The following RHEBL1 variants were observed in gnomAD, a reference collection of about 807,000 sequenced individuals.
RHEBL1 encodes RHEB like 1.
Under a neutral mutation model 27.4 loss-of-function variants are expected in RHEBL1, and 22 were observed. The observed-to-expected ratio is 0.80, with a 90% CI of 0.57 to 1.15. RHEBL1 has a LOEUF of 1.15. Ranked by LOEUF, RHEBL1 falls within the 50% of genes most tolerant of loss-of-function variation. The pLI is 0.00. For synonymous variants in RHEBL1, 85 were observed against 80.8 expected (o/e 1.05, Z -0.28); for missense variants, 186 against 226.5 (o/e 0.82, Z 1.15).
chr12:49,067,125 A>AAT, intron 2 of RHEBL1, 90 bp from the exon 3 acceptor site: 7 of 806,044 alleles, frequency 8.7e-6, no homozygotes, highest in Non-Finnish European at 1.4e-5. Context: ...TTTTTGAGAC[A>AAT]AGAGTCTCAC....
At chr12:49,066,307 T>TCCCCTCATTCCCCGCATTC in intron 5 of RHEBL1, 29 bp from the exon 6 acceptor site, 1 of 1,608,436 alleles carries the variant, frequency 6.2e-7, no homozygotes, top group Non-Finnish European at 8.5e-7. Flanking sequence ...TACTTCAGAA[T>TCCCCTCATTCCCCGCATTC]CCCCTCATTC....
rs1939054583 is a variant in RHEBL1 at position 49,069,587 on chromosome 12, C to G, written c.52+147G>C. ...CCACCAACTCTTCCAATCCTCCACT[C>G]TTCCATTCCTCCACTCTTCCAATCC... On this transcript the variant is annotated intron_variant, in intron 1 of 7. Coordinates refer to ENST00000301068, the MANE Select transcript of RHEBL1 (RefSeq NM_144593.3). 138 of 243,806 alleles carry G rather than the reference C, an allele frequency of 5.7e-4. 54 individuals are homozygous for G. Among genetic ancestry groups the G allele is most frequent in the East Asian group, 9.1e-4 (13 of 14,254 alleles). The allele number at this position is 243,806 out of a possible 1,614,324, so 15.1% of individuals were successfully genotyped here.
chr12:49,065,350 C>G lies in RHEBL1; in HGVS notation c.462G>C (p.Gln154His), dbSNP rs1458348733. The change falls in exon 7 of 8, where the codon CAG becomes CAC. Residue 154 changes from glutamine (Q) to histidine (H), a missense_variant and splice_region_variant. Physicochemically the swap from Gln to His is conservative, Grantham distance 24. Coordinates refer to ENST00000301068, the MANE Select transcript of RHEBL1 (RefSeq NM_144593.3). ...TFMESSAREN[Q>H]LTQGIFTKVI... ...CCCTTCTAGTCTTCAGGCCCAGCAC[C>G]TGATTCTCTCGAGCAGATGACTCCA... 1.9e-6 allele frequency: 3 copies of G among 1,614,006 alleles called. No homozygotes were observed. Among genetic ancestry groups the G allele is most frequent in the Admixed American group, 1.7e-5 (1 of 60,026 alleles).
intron 2 of RHEBL1, among the ~76,000 whole-genome samples, chr12:49,067,263 C>T (rs897543482): frequency 7.9e-5 from 12 of 151,784 alleles, no homozygotes; most frequent in South Asian, 2.1e-4. Context: ...CCACCATGCC[C>T]GGCTAATTAC....
chr12:49,068,429 CT>C (rs56316449), intron 2 of RHEBL1, among the ~76,000 whole-genome samples: 2,650 of 99,606 alleles, frequency 0.027, 16 homozygotes, highest in Non-Finnish European at 0.034. Flanking sequence ...CGGTGCCCAG[CT>C]TTTTTTTTTT....
chr12:49,068,272 G>C (rs1487850327), intron 2 of RHEBL1, among the ~76,000 whole-genome samples: 1 of 151,848 alleles, frequency 6.6e-6, no homozygotes, highest in Non-Finnish European at 1.5e-5. Flanking sequence ...TGGGATTACA[G>C]ATGTCCATCA....
Position 49,064,986 on chromosome 12 carries a change from C to T in RHEBL1, c.*117G>A. ...AACATGAGGATGCCACACTGTGTGT[C>T]CAGGGGCCAGGAACACAGCTGGCAA... On this transcript the variant is annotated 3_prime_UTR_variant, in exon 8 of 8. Coordinates refer to ENST00000301068, the MANE Select transcript of RHEBL1 (RefSeq NM_144593.3). 1.4e-6 allele frequency: 1 copy of T among 740,180 alleles called. No homozygotes were observed. The highest frequency in any genetic ancestry group is 2.0e-5 in the Admixed American group (1 of 50,286). The allele number at this position is 740,180 out of a possible 1,614,324, so 45.9% of individuals were successfully genotyped here. A position where few individuals can be genotyped will look rare whatever the true frequency, so the allele number is the denominator to read the frequency against.
intron 1 of RHEBL1, 178 bp from the exon 2 acceptor site, chr12:49,069,284 G>C: frequency 2.7e-6 from 3 of 1,091,654 alleles, no homozygotes; most frequent in Middle Eastern, 2.2e-4. Context: ...CAGGGTCTCC[G>C]CACTTTGGCT....
At chr12:49,066,367 C>T in intron 5 of RHEBL1, 89 bp from the exon 6 acceptor site, 1 of 1,544,706 alleles carries the variant, frequency 6.5e-7, no homozygotes, top group Middle Eastern at 1.7e-4. Context: ...CCTTATCAGA[C>T]CAGGCAGGAT....
rs1354656382 is a variant in RHEBL1, at chr12:49,064,807, G to A, written c.*296C>T. ...AACCCACCCAAGAGGATGGGTCCTG[G>A]ATAAATAATGCCCAGGACTCATATC... On this transcript the variant is annotated 3_prime_UTR_variant, in exon 8 of 8. Transcript: ENST00000301068. The A allele has an allele frequency of 8.2e-6, 3 of 364,184 alleles. No homozygotes were observed. Among genetic ancestry groups the A allele is most frequent in the African/African-American group, 4.0e-5 (2 of 49,556 alleles). The allele number at this position is 364,184 out of a possible 1,614,324, so 22.6% of individuals were successfully genotyped here.
At chr12:49,069,288 TTTGGCTA>T (rs780812489) in intron 1 of RHEBL1, 182 bp from the exon 2 acceptor site, 128 of 1,055,474 alleles carry the variant, frequency 1.2e-4, no homozygotes, top group Non-Finnish European at 1.5e-4. Context: ...GTCTCCGCAC[TTTGGCTA>T]CCGGATGCAT....
At position 49,065,211 on chromosome 12, in the gene RHEBL1, C is replaced by G; in HGVS notation, c.463-19G>C. ...GAGTCAGCTATAAGAGGAGAGGATTCAGGGCAAAAGTCAGTTCAGTGCCAA... is the reference window on the plus strand; with the variant it reads ...GAGTCAGCTATAAGAGGAGAGGATTGAGGGCAAAAGTCAGTTCAGTGCCAA... On this transcript the variant is annotated intron_variant, in intron 7 of 7. Coordinates refer to ENST00000301068, the MANE Select transcript of RHEBL1 (RefSeq NM_144593.3). 1.2e-6 allele frequency: 2 copies of G among 1,606,524 alleles called. No individual in the cohort carries two copies. The highest frequency in any genetic ancestry group is 1.7e-6 in the Non-Finnish European group (2 of 1,173,076).
In RHEBL1 at chr12:49,067,162, G is replaced by T; in HGVS notation, c.125-127C>A. On this transcript the variant is annotated intron_variant, in intron 2 of 7. Coordinates refer to ENST00000301068, the MANE Select transcript of RHEBL1 (RefSeq NM_144593.3). Reference sequence around the variant, plus strand: ...CTATTGTCCAGGCTGGGCTGCAGTGGCATGATCTCAGCTCACTGCAACCTC... The same window carrying T: ...CTATTGTCCAGGCTGGGCTGCAGTGTCATGATCTCAGCTCACTGCAACCTC... 6.3e-6 allele frequency: 4 copies of T among 634,392 alleles called. 1 individual carries two copies. The South Asian group carries it at 7.6e-5, about 12-fold the overall frequency. 39.3% of individuals were successfully genotyped at this position (634,392 alleles called of 1,614,324 possible).
At chr12:49,069,241 A>C (rs905764541) in intron 1 of RHEBL1, 135 bp from the exon 2 acceptor site, 44 of 1,469,490 alleles carry the variant, frequency 3.0e-5, no homozygotes, top group Admixed American at 7.8e-5. Flanking sequence ...AAGCAATGCT[A>C]TCCTTTGTGT....
At position 49,064,994 on chromosome 12, in the gene RHEBL1, C is replaced by T; in HGVS notation, c.*109G>A. The T allele has an allele frequency of 1.3e-6, 1 of 789,446 alleles. No homozygotes were observed. The highest frequency in any genetic ancestry group is 2.2e-6 in the Non-Finnish European group (1 of 453,904). The allele number at this position is 789,446 out of a possible 1,614,324, so 48.9% of individuals were successfully genotyped here. A position where few individuals can be genotyped will look rare whatever the true frequency, so the allele number is the denominator to read the frequency against. On this transcript the variant is annotated 3_prime_UTR_variant, in exon 8 of 8. Transcript: ENST00000301068. The stretch of plus-strand genomic sequence containing the variant: ...GATGCCACACTGTGTGTCCAGGGGC[C>T]AGGAACACAGCTGGCAACCATACCC...
At position 49,069,093 on chromosome 12, in the gene RHEBL1, C is replaced by T; in HGVS notation, c.66G>A (p.Leu22=). ...ACTCGCCTTCCACAAATTGATGTGC[C>T]AAAGATGTCTTCCCTGTGGGGAGCA... ...LGYRCVGKTS[L]AHQFVEGEFS... The change falls in exon 2 of 8, where the codon TTG becomes TTA. Residue 22 remains leucine, a synonymous_variant. Coordinates refer to ENST00000301068, the MANE Select transcript of RHEBL1 (RefSeq NM_144593.3). The T allele has an allele frequency of 6.2e-7, 1 of 1,614,144 alleles. No homozygotes were observed. The highest frequency in any genetic ancestry group is 8.5e-7 in the Non-Finnish European group (1 of 1,179,986).
chr12:49,068,965 G>A, intron 2 of RHEBL1, 70 bp downstream of exon 2: 2 of 1,465,676 alleles, frequency 1.4e-6, no homozygotes, highest in South Asian at 2.6e-5. Context: ...AATAAATTAT[G>A]GAGTTGGGTG....
At chr12:49,066,362 T>C (rs1174926091) in intron 5 of RHEBL1, 84 bp from the exon 6 acceptor site, 2 of 1,552,722 alleles carry the variant, frequency 1.3e-6, no homozygotes, top group Non-Finnish European at 1.8e-6. Context: ...CGACTCCTTA[T>C]CAGACCAGGC....
At chr12:49,067,685 C>G (rs1031951213) in intron 2 of RHEBL1, among the ~76,000 whole-genome samples, 1 of 152,064 alleles carries the variant, frequency 6.6e-6, no homozygotes, top group East Asian at 1.9e-4. Flanking sequence ...GAGGGTGAAG[C>G]GTGAGAATTG....
Sources: allele counts gnomAD v4.1 joint callset (sites outside exome capture counted in the v4.1 genomes callset), GRCh38; gene constraint gnomAD v4.1.1; transcripts MANE v1.5; gene names NCBI Gene and HGNC (gene_info 2026-07-23, HGNC 2026-07-21).